The following SLC9A4 variants were observed in gnomAD, a reference collection of about 807,000 sequenced individuals.
SLC9A4 encodes the protein sodium/hydrogen exchanger 4.
SLC9A4 carries 63 observed loss-of-function variants against 67.4 expected under a neutral mutation model. The ratio of observed to expected loss-of-function variants is 0.93; its 90% CI spans 0.76 to 1.15. The LOEUF is 1.15. SLC9A4 is among the 50% of genes most tolerant of loss of function. The pLI is 0.00. For missense variants in SLC9A4, 1,089 were observed against 987.7 expected (o/e 1.10, Z -1.38); for synonymous variants, 393 against 367.2 (o/e 1.07, Z -0.80).
At chr2:102,494,109 A>G (rs1371805154) in intron 2 of SLC9A4, among the ~76,000 whole-genome samples, 1 of 151,978 alleles carries the variant, frequency 6.6e-6, no homozygotes, top group Non-Finnish European at 1.5e-5. Flanking sequence ...AAGGCAATTA[A>G]TTATGATTAT....
chr2:102,485,039 G>A (rs1317663269), intron 2 of SLC9A4, among the ~76,000 whole-genome samples: 1 of 152,086 alleles, frequency 6.6e-6, no homozygotes, highest in Non-Finnish European at 1.5e-5. Flanking sequence ...CCTTATTTAA[G>A]CCTCATGGCA....
intron 2 of SLC9A4, among the ~76,000 whole-genome samples, chr2:102,487,576 T>G (rs949794142): frequency 1.3e-5 from 2 of 152,196 alleles, no homozygotes; most frequent in Non-Finnish European, 2.9e-5. Context: ...TCCCATTTGA[T>G]TCATCAAACA....
chr2:102,524,893 C>T (rs1674626811), intron 9 of SLC9A4, 131 bp from the exon 10 acceptor site: 4 of 1,065,480 alleles, frequency 3.8e-6, no homozygotes, highest in Non-Finnish European at 5.5e-6. Context: ...GTAATCAAGG[C>T]AAATGCTTAG....
chr2:102,495,648 A>G (rs1480000942), intron 2 of SLC9A4, among the ~76,000 whole-genome samples: 1 of 152,142 alleles, frequency 6.6e-6, no homozygotes, highest in Non-Finnish European at 1.5e-5. Context: ...ACAAATGACA[A>G]TATTAATTAA....
intron 6 of SLC9A4, among the ~76,000 whole-genome samples, chr2:102,510,404 C>T (rs943869040): frequency 3.9e-4 from 60 of 152,296 alleles, no homozygotes; most frequent in East Asian, 5.8e-4. Context: ...GAAGAGCAGG[C>T]TGGAACCCTC....
At chr2:102,523,106 C>G (rs1674569239) in intron 9 of SLC9A4, among the ~76,000 whole-genome samples, 1 of 150,548 alleles carries the variant, frequency 6.6e-6, no homozygotes, top group Non-Finnish European at 1.5e-5. Flanking sequence ...GTAGCTAGGA[C>G]CGCAGGTTCA....
chr2:102,473,533 A>T lies in SLC9A4; in HGVS notation c.-227A>T. On this transcript the variant is annotated 5_prime_UTR_variant, in exon 1 of 12. Coordinates refer to ENST00000295269, the MANE Select transcript of SLC9A4 (RefSeq NM_001011552.4). Reference sequence around the variant, plus strand: ...TTTAACAAGTCTATTGAATAACTGCATTTGAGTTGGAAGCTGAGTTGCCTG... The same window carrying T: ...TTTAACAAGTCTATTGAATAACTGCTTTTGAGTTGGAAGCTGAGTTGCCTG... 1 of 553,920 alleles carries T rather than the reference A, an allele frequency of 1.8e-6. No individual in the cohort carries two copies. Among genetic ancestry groups the T allele is most frequent in the Admixed American group, 3.4e-5 (1 of 29,724 alleles). 34.3% of individuals were successfully genotyped at this position (553,920 alleles called of 1,614,324 possible).
chr2:102,518,229 G>A (rs1206586433), intron 8 of SLC9A4, among the ~76,000 whole-genome samples: 2 of 152,198 alleles, frequency 1.3e-5, no homozygotes, highest in African/African-American at 4.8e-5. Context: ...AGAGTGCCAA[G>A]TTACAGCTAC....
chr2:102,508,770 T>C lies in SLC9A4; in HGVS notation c.1402-77T>C, dbSNP rs954592379. On this transcript the variant is annotated intron_variant, in intron 5 of 11. Transcript: ENST00000295269. ...ACATATAGATTGGACATTCTAATAG[T>C]TTTGTTAATAAATTTGCTCTCTCTA... 6 of 1,069,384 alleles carry C rather than the reference T, an allele frequency of 5.6e-6. No homozygotes were observed. In the African/African-American group the frequency reaches 9.7e-5, roughly 17 times the overall value. 66.2% of individuals were successfully genotyped at this position (1,069,384 alleles called of 1,614,324 possible).
chr2:102,483,809 T>C (rs1328893376), intron 2 of SLC9A4, among the ~76,000 whole-genome samples: 1 of 81,176 alleles, frequency 1.2e-5, no homozygotes, highest in East Asian at 2.7e-4. Flanking sequence ...CATATATATA[T>C]ATATATATAT....
chr2:102,508,493 A>G (rs2104436941), intron 5 of SLC9A4, among the ~76,000 whole-genome samples: 1 of 152,372 alleles, frequency 6.6e-6, no homozygotes, highest in Non-Finnish European at 1.5e-5. Flanking sequence ...TTATCAAAAG[A>G]TTCCTGAGTA....
In SLC9A4 at chr2:102,482,184, T is replaced by C. The variant is rs561704257; in HGVS notation, c.720+2882T>C. On this transcript the variant is annotated intron_variant, in intron 2 of 11. Transcript: ENST00000295269. Reference sequence around the variant, plus strand: ...CTGTCATAGGATTCAGAGATTTCATTTCTCAGAGTCTGGTCCTCAGGCCAA... The same window carrying C: ...CTGTCATAGGATTCAGAGATTTCATCTCTCAGAGTCTGGTCCTCAGGCCAA... Among the ~76,000 whole-genome samples, 4 of 152,296 alleles carry C rather than the reference T, an allele frequency of 2.6e-5. No individual in the cohort carries two copies. In the East Asian group the frequency reaches 7.7e-4, roughly 29 times the overall value.
rs796600786 is a variant in SLC9A4, at chr2:102,500,596, C to A, written c.721-2852C>A. On this transcript the variant is annotated intron_variant, in intron 2 of 11. Transcript: ENST00000295269. ...ACTTCCTAGATGAGGACTGATGACA[C>A]CTGAGCTACTTCAAGCCATGCCCCT... Among the ~76,000 whole-genome samples, 12 of 152,256 alleles carry A rather than the reference C, an allele frequency of 7.9e-5. No homozygotes were observed. In the South Asian group the frequency reaches 2.5e-3, roughly 32 times the overall value.
intron 8 of SLC9A4, among the ~76,000 whole-genome samples, chr2:102,517,404 AGAATTG>A (rs1238537646): frequency 5.9e-5 from 9 of 152,230 alleles, no homozygotes; most frequent in Middle Eastern, 3.2e-3. Flanking sequence ...ATGTTATAGT[AGAATTG>A]AAGCTTCTTT....
chr2:102,522,783 T>C (rs1674552229), intron 9 of SLC9A4, among the ~76,000 whole-genome samples: 1 of 152,208 alleles, frequency 6.6e-6, no homozygotes, highest in African/African-American at 2.4e-5. Context: ...TTGAGGTGTA[T>C]CATTACTAAT....
chr2:102,475,048 T>C (rs1414446564), intron 1 of SLC9A4, among the ~76,000 whole-genome samples: 1 of 152,210 alleles, frequency 6.6e-6, no homozygotes, highest in African/African-American at 2.4e-5. Flanking sequence ...CTTTAGACTC[T>C]CCTTTATAGT....
chr2:102,502,119 G>T (rs1007723593), intron 2 of SLC9A4, among the ~76,000 whole-genome samples: 1 of 152,040 alleles, frequency 6.6e-6, no homozygotes, highest in Non-Finnish European at 1.5e-5. Context: ...CTGTGATTTC[G>T]CAGGACTCTT....
At chr2:102,526,078 G>A (rs778080779) in intron 10 of SLC9A4, among the ~76,000 whole-genome samples, 181 bp from the exon 11 acceptor site, 15 of 152,114 alleles carry the variant, frequency 9.9e-5, no homozygotes, top group Non-Finnish European at 1.9e-4. Context: ...AGTAGAGACG[G>A]GGTTTCACCA....
intron 6 of SLC9A4, among the ~76,000 whole-genome samples, chr2:102,510,995 T>C (rs1243523832): frequency 6.6e-6 from 1 of 152,224 alleles, no homozygotes; most frequent in Non-Finnish European, 1.5e-5. Flanking sequence ...AATCATTTCC[T>C]GATTGGCACA....
Sources: gnomAD v4.1 joint callset for allele counts (sites outside exome capture counted in the v4.1 genomes callset) on GRCh38, gnomAD v4.1.1 for gene constraint, MANE v1.5 for transcripts, NCBI Gene and HGNC (gene_info 2026-07-23, HGNC 2026-07-21) for gene names.